Variants in KIAA1328 observed in about 807,000 individuals in gnomAD.
The protein encoded by KIAA1328 is protein hinderin.
A neutral mutation model predicts 68.1 loss-of-function variants in KIAA1328; 52 were observed. The observed-to-expected ratio is 0.76, with a 90% CI of 0.61 to 0.96. The LOEUF (loss-of-function observed/expected upper bound fraction) is 0.96. KIAA1328 is among the 40% of genes least tolerant of loss of function. The pLI is 0.00. For missense variants in KIAA1328, 641 were observed against 677.6 expected, an observed-to-expected ratio of 0.95 and a Z score of 0.60; for synonymous variants, 232 against 239.4, an observed-to-expected ratio of 0.97 and a Z score of 0.28.
At chr18:37,127,538 A>T (rs549650747) in intron 7 of KIAA1328, among the ~76,000 whole-genome samples, 4 of 152,150 alleles carry the variant, frequency 2.6e-5, no homozygotes, top group African/African-American at 9.7e-5. Context: ...GGGGGACCCT[A>T]TCTCTACAAA....
intron 7 of KIAA1328, among the ~76,000 whole-genome samples, chr18:37,101,277 T>G (rs1214408488): frequency 6.6e-6 from 1 of 151,984 alleles, no homozygotes; most frequent in Non-Finnish European, 1.5e-5. Flanking sequence ...GAAAAAAAAT[T>G]AGACAAATGG....
intron 7 of KIAA1328, among the ~76,000 whole-genome samples, chr18:37,158,145 G>C (rs1311205230): frequency 6.6e-6 from 1 of 151,820 alleles, no homozygotes; most frequent in African/African-American, 2.4e-5. Context: ...CTATCCTGCT[G>C]CCTCAGCTTC....
Position 36,893,046 on chromosome 18 carries a change from A to G in KIAA1328, c.448+7374A>G, listed in dbSNP as rs2048741666. ...TGCACATGTACCCCTGAATCTAAAA[A>G]AAAGTCAAAATTATTTTTTGAAATT... On this transcript the variant is annotated intron_variant, in intron 5 of 9. Coordinates refer to ENST00000280020, the MANE Select transcript of KIAA1328 (RefSeq NM_020776.3). Among the ~76,000 whole-genome samples, 3 of 152,156 alleles carry G rather than the reference A, an allele frequency of 2.0e-5. No individual in the cohort carries two copies. In the South Asian group the frequency reaches 6.2e-4, roughly 32 times the overall value.
chr18:36,890,772 C>T (rs981619883), intron 5 of KIAA1328, among the ~76,000 whole-genome samples: 2 of 152,072 alleles, frequency 1.3e-5, no homozygotes, highest in African/African-American at 4.8e-5. Context: ...GAAAGACAGC[C>T]CTTGTTCATG....
At chr18:36,844,087 A>G in intron 3 of KIAA1328, 121 bp from the exon 4 acceptor site, 1 of 596,432 alleles carries the variant, frequency 1.7e-6, no homozygotes. Context: ...AAATTGAAAC[A>G]GGTAGATAGT....
At chr18:37,185,303 G>C (rs547584358) in intron 9 of KIAA1328, among the ~76,000 whole-genome samples, 2 of 152,250 alleles carry the variant, frequency 1.3e-5, no homozygotes, top group African/African-American at 4.8e-5. Context: ...TACAGGTCTT[G>C]AGATTATGCT....
chr18:37,214,222 C>T (rs934344061), intron 9 of KIAA1328, among the ~76,000 whole-genome samples: 1 of 152,148 alleles, frequency 6.6e-6, no homozygotes, highest in African/African-American at 2.4e-5. Flanking sequence ...GAAGTCCTTG[C>T]GAATGCCTAT....
intron 7 of KIAA1328, among the ~76,000 whole-genome samples, chr18:37,071,536 G>C (rs1484617367): frequency 6.6e-6 from 1 of 152,090 alleles, no homozygotes; most frequent in African/African-American, 2.4e-5. Context: ...TATTTATATA[G>C]CATTGACATT....
At chr18:37,028,291 A>G (rs994881668) in intron 6 of KIAA1328, among the ~76,000 whole-genome samples, 1 of 151,912 alleles carries the variant, frequency 6.6e-6, no homozygotes, top group African/African-American at 2.4e-5. Context: ...TTTTTTGTGT[A>G]TGGTTTTTGT....
chr18:37,101,913 A>G (rs1568407632), intron 7 of KIAA1328, among the ~76,000 whole-genome samples: 2 of 152,164 alleles, frequency 1.3e-5, no homozygotes, highest in Non-Finnish European at 2.9e-5. Flanking sequence ...ATCCAGCCAA[A>G]CTAAGCTTCA....
intron 6 of KIAA1328, among the ~76,000 whole-genome samples, chr18:36,992,839 C>CA (rs1273122626): frequency 1.3e-5 from 2 of 152,176 alleles, no homozygotes; most frequent in African/African-American, 2.4e-5. Flanking sequence ...TGTGATGGCT[C>CA]ATGCCTGTAA....
chr18:36,859,160 T>A (rs1039214178), intron 4 of KIAA1328, among the ~76,000 whole-genome samples: 10 of 152,242 alleles, frequency 6.6e-5, no homozygotes, highest in Admixed American at 4.6e-4. Flanking sequence ...AATTATATCT[T>A]AATATCTGTG....
At chr18:37,043,584 A>C (rs1417007788) in intron 6 of KIAA1328, among the ~76,000 whole-genome samples, 1 of 152,182 alleles carries the variant, frequency 6.6e-6, no homozygotes, top group Non-Finnish European at 1.5e-5. Context: ...GATTATTGTT[A>C]ATAAATTTTG....
intron 5 of KIAA1328, among the ~76,000 whole-genome samples, chr18:36,910,440 G>A (rs1034209991): frequency 2.0e-5 from 3 of 151,944 alleles, no homozygotes; most frequent in Non-Finnish European, 4.4e-5. Context: ...GTAGATGTGT[G>A]GTATTATTTC....
At chr18:36,992,932 C>A (rs1200331699) in intron 6 of KIAA1328, among the ~76,000 whole-genome samples, 1 of 152,050 alleles carries the variant, frequency 6.6e-6, no homozygotes, top group Admixed American at 6.6e-5. Flanking sequence ...GGTGAAACCT[C>A]GTCTCTACAA....
intron 6 of KIAA1328, among the ~76,000 whole-genome samples, chr18:36,995,705 A>G (rs1465725166): frequency 6.6e-6 from 1 of 152,160 alleles, no homozygotes; most frequent in Non-Finnish European, 1.5e-5. Context: ...TTTTACTCAA[A>G]CCTCTAGCGG....
intron 4 of KIAA1328, among the ~76,000 whole-genome samples, chr18:36,867,099 C>T (rs1269398584): frequency 6.6e-6 from 1 of 152,066 alleles, no homozygotes; most frequent in Admixed American, 6.5e-5. Context: ...GAAATGTGAT[C>T]CCCAGCGTTG....
At chr18:37,179,918 T>C (rs2059666358) in intron 9 of KIAA1328, among the ~76,000 whole-genome samples, 1 of 152,066 alleles carries the variant, frequency 6.6e-6, no homozygotes, top group Non-Finnish European at 1.5e-5. Context: ...ACTATTTCGT[T>C]TCCCATATCA....
intron 9 of KIAA1328, among the ~76,000 whole-genome samples, chr18:37,185,702 T>C (rs1189449811): frequency 1.3e-5 from 2 of 148,998 alleles, no homozygotes; most frequent in African/African-American, 2.6e-5. Context: ...TATATATACG[T>C]ATATACCTAC....
Sources: gnomAD v4.1 joint callset for allele counts (sites outside exome capture counted in the v4.1 genomes callset) on GRCh38, gnomAD v4.1.1 for gene constraint, MANE v1.5 for transcripts, NCBI Gene and HGNC (gene_info 2026-07-23, HGNC 2026-07-21) for gene names.